The following PSG1 variants were observed in gnomAD, a reference collection of about 807,000 sequenced individuals.
PSG1 encodes pregnancy-specific beta-1-glycoprotein 1.
In PSG1, 60 loss-of-function variants were observed where a neutral mutation model predicts 41.4. The observed-to-expected ratio is 1.45, with a 90% confidence interval of 1.18 to 1.80. PSG1 has a LOEUF of 1.80. Among genes scored for constraint, PSG1 ranks in the 40% most tolerant of loss-of-function variants. The pLI is 0.00. For missense variants in PSG1, 806 were observed against 516.9 expected, an observed-to-expected ratio of 1.56 and a Z score of -5.42; for synonymous variants, 256 against 192.9, an observed-to-expected ratio of 1.33 and a Z score of -2.71.
intron 5 of PSG1, 162 bp downstream of exon 5, chr19:42,867,939 C>A: frequency 6.4e-7 from 1 of 1,552,676 alleles, no homozygotes. Context: ...TTAAAGTTTT[C>A]GAAGTTCTTA....
intron 2 of PSG1, among the ~76,000 whole-genome samples, chr19:42,874,959 A>T (rs1478190959): frequency 6.6e-6 from 1 of 151,666 alleles, no homozygotes; most frequent in Non-Finnish European, 1.5e-5. Flanking sequence ...TATATGCCTG[A>T]CAGGAAGCCA....
At chr19:42,877,398 G>A (rs1445555229) in intron 2 of PSG1, among the ~76,000 whole-genome samples, 1 of 151,602 alleles carries the variant, frequency 6.6e-6, no homozygotes, top group Non-Finnish European at 1.5e-5. Flanking sequence ...AGCTCCAGGA[G>A]ACACAGTCCT....
intron 2 of PSG1, among the ~76,000 whole-genome samples, chr19:42,876,133 T>C (rs1391370344): frequency 6.6e-6 from 1 of 151,296 alleles, no homozygotes; most frequent in Non-Finnish European, 1.5e-5. Context: ...AGGGAGTGTC[T>C]AGGGAAGGCC....
intron 3 of PSG1, among the ~76,000 whole-genome samples, chr19:42,871,212 A>T (rs947297802): frequency 1.3e-5 from 2 of 151,626 alleles, no homozygotes; most frequent in East Asian, 3.9e-4. Flanking sequence ...TTGGGGTATA[A>T]AGAACACTTG....
intron 2 of PSG1, among the ~76,000 whole-genome samples, chr19:42,874,735 C>CCGGAGAATGTGA (rs1971534246): frequency 4.6e-5 from 7 of 150,852 alleles, no homozygotes; most frequent in African/African-American, 1.5e-4. Flanking sequence ...GCTTGTTATA[C>CCGGAGAATGTGA]GCCTGTCAGG....
Position 42,871,487 on chromosome 19 carries a change from C to A in PSG1, c.709+280G>T, listed in dbSNP as rs569153652. Among the ~76,000 whole-genome samples, 4 of 151,824 alleles carry A rather than the reference C, an allele frequency of 2.6e-5. No individual in the cohort carries two copies. The East Asian group carries it at 7.8e-4, about 29-fold the overall frequency. ...CACAACATTGAAGTCCCAGCCAAAT[C>A]CCCACTGTGTTCACAGATCTGGAGC... On this transcript the variant is annotated intron_variant, in intron 3 of 5. Transcript: ENST00000436291.
chr19:42,876,351 T>A lies in PSG1; in HGVS notation c.430+1562A>T, dbSNP rs192699866. 8.5e-3 allele frequency among the ~76,000 whole-genome samples: 1,281 copies of A among 151,192 alleles called. 39 individuals are homozygous for A. Among genetic ancestry groups the A allele is most frequent in the African/African-American group, 0.03 (1,228 of 41,178 alleles). On this transcript the variant is annotated intron_variant, in intron 2 of 5. Coordinates refer to ENST00000436291, the MANE Select transcript of PSG1 (RefSeq NM_001184825.2). The stretch of plus-strand genomic sequence containing the variant: ...AGCCCTCGAGAACCCTCCGGTGGCT[T>A]AAGAGCTTCAGAATTACATGAGGTG...
At chr19:42,878,776 G>T (rs112265772) in intron 1 of PSG1, among the ~76,000 whole-genome samples, 1 of 150,298 alleles carries the variant, frequency 6.7e-6, no homozygotes, top group East Asian at 2.0e-4. Flanking sequence ...CGTGAGCTCC[G>T]TGAAGACAGG....
At chr19:42,869,210 G>A (rs560055720) in intron 3 of PSG1, 176 bp from the exon 4 acceptor site, 1 of 1,383,086 alleles carries the variant, frequency 7.2e-7, no homozygotes, top group Non-Finnish European at 9.7e-7. Context: ...CAAAGACTGT[G>A]AGGCCGCCTT....
intron 2 of PSG1, among the ~76,000 whole-genome samples, chr19:42,873,522 T>C (rs975350062): frequency 2.6e-5 from 4 of 151,804 alleles, no homozygotes; most frequent in Non-Finnish European, 5.9e-5. Flanking sequence ...TAAAATGTTT[T>C]CATAAGTGGA....
In PSG1 at chr19:42,877,888, C is replaced by T. The variant is rs762253679; in HGVS notation, c.430+25G>A. 8 of 1,611,838 alleles carry T rather than the reference C, an allele frequency of 5.0e-6. No homozygotes were observed. In the South Asian group the frequency reaches 8.8e-5, roughly 18 times the overall value. ...AGAAGTGACCCCTGTCCCCCAACAC[C>T]CAGGGATCATGTGGAATCACTTACG... On this transcript the variant is annotated intron_variant, in intron 2 of 5. Coordinates refer to ENST00000436291, the MANE Select transcript of PSG1 (RefSeq NM_001184825.2).
chr19:42,878,306 T>C (rs1463580689), intron 1 of PSG1, 28 bp from the exon 2 acceptor site: 2 of 1,584,014 alleles, frequency 1.3e-6, no homozygotes, highest in Non-Finnish European at 1.7e-6. Flanking sequence ...CATCAGTCAA[T>C]ATTGAGACCT....
At chr19:42,867,639 A>T in intron 5 of PSG1, 1 of 740,888 alleles carries the variant, frequency 1.3e-6, no homozygotes, top group Non-Finnish European at 2.5e-6. Context: ...CCATAAACAT[A>T]TCAATTCTCA....
Position 42,875,526 on chromosome 19 carries a change from T to G in PSG1, c.430+2387A>C, listed in dbSNP as rs147193477. ...GCATTCTGGCAACCGGCTGACCTCATCCATACCTATGACTAATGGCTCAGC... is the reference window on the plus strand; with the variant it reads ...GCATTCTGGCAACCGGCTGACCTCAGCCATACCTATGACTAATGGCTCAGC... On this transcript the variant is annotated intron_variant, in intron 2 of 5. Transcript: ENST00000436291. Among the ~76,000 whole-genome samples, 846 of 151,708 alleles carry G rather than the reference T, an allele frequency of 5.6e-3. 14 individuals carry two copies. The highest frequency in any genetic ancestry group is 8.7e-3 in the Non-Finnish European group (590 of 67,900).
chr19:42,867,007 T>C lies in PSG1; in HGVS notation c.*127A>G. 1.3e-6 allele frequency: 1 copy of C among 765,344 alleles called. No homozygotes were observed. The highest frequency in any genetic ancestry group is 2.4e-6 in the Non-Finnish European group (1 of 417,300). The allele number at this position is 765,344 out of a possible 1,614,324, so 47.4% of individuals were successfully genotyped here. A position where few individuals can be genotyped will look rare whatever the true frequency, so the allele number is the denominator to read the frequency against. Reference sequence around the variant, plus strand: ...AGTTCTGAGTGGCTCATGCTTCACGTACAAGGGTTTTCCCATGAAATTTAC... The same window carrying C: ...AGTTCTGAGTGGCTCATGCTTCACGCACAAGGGTTTTCCCATGAAATTTAC... On this transcript the variant is annotated 3_prime_UTR_variant, in exon 6 of 6. Transcript: ENST00000436291.
At chr19:42,875,648 T>A (rs1446642865) in intron 2 of PSG1, among the ~76,000 whole-genome samples, 1 of 151,360 alleles carries the variant, frequency 6.6e-6, no homozygotes, top group Non-Finnish European at 1.5e-5. Flanking sequence ...GCAGTACTAA[T>A]TTTTTAGTCC....
chr19:42,870,816 CT>C (rs901763049), intron 3 of PSG1, among the ~76,000 whole-genome samples: 3 of 151,522 alleles, frequency 2.0e-5, no homozygotes, highest in South Asian at 2.1e-4. Context: ...AATCATTTGA[CT>C]TTTTTGGTTA....
rs2122518415 is a variant in PSG1, at chr19:42,871,952, T to C, written c.524A>G (p.Asp175Gly). 1 of 1,612,456 alleles carries C rather than the reference T, an allele frequency of 6.2e-7. No homozygotes were observed. The highest frequency in any genetic ancestry group is 8.5e-7 in the Non-Finnish European group (1 of 1,179,202). The change falls in exon 3 of 6, where the codon GAC becomes GGC. Residue 175 changes from aspartate to glycine, a missense_variant. By Grantham distance (94) the Asp-to-Gly change is moderately conservative (BLOSUM62 -1). Transcript: ENST00000436291. The stretch of plus-strand genomic sequence containing the variant: ...ATTCATCCACCACAGGTAGCTTGCG[T>C]CTGGAGTCTCAGGGTCACAGGTTAA... ...VSLTCDPETPDASYLWWMNGQ... is the reference protein window; with the variant it reads ...VSLTCDPETPGASYLWWMNGQ...
intron 1 of PSG1, 32 bp from the exon 2 acceptor site, chr19:42,878,310 G>C (rs779014222): frequency 6.9e-6 from 11 of 1,583,582 alleles, no homozygotes; most frequent in Non-Finnish European, 8.6e-6. Flanking sequence ...AGTCAATATT[G>C]AGACCTATGT....
Sources: allele counts gnomAD v4.1 joint callset (sites outside exome capture counted in the v4.1 genomes callset), GRCh38; gene constraint gnomAD v4.1.1; transcripts MANE v1.5; gene names NCBI Gene and HGNC (gene_info 2026-07-23, HGNC 2026-07-21).